Variants in SEMA4D observed in about 807,000 individuals in gnomAD.
SEMA4D encodes semaphorin 4D, also known as semaphorin-4D.
SEMA4D carries 22 observed loss-of-function variants against 74.8 expected under a neutral mutation model. The ratio of observed to expected loss-of-function variants is 0.29; its 90% confidence interval spans 0.21 to 0.42. The LOEUF is 0.42. SEMA4D is among the 10% of genes least tolerant of loss of function. The probability of loss-of-function intolerance (pLI) is 1.00; values close to 1 mark genes in which losing one functional copy is unlikely to be tolerated. For synonymous variants in SEMA4D, 445 were observed against 463.7 expected, an observed-to-expected ratio of 0.96 and a Z score of 0.52; for missense variants, 937 against 1,118.4, an observed-to-expected ratio of 0.84 and a Z score of 2.31.
intron 2 of SEMA4D, among the ~76,000 whole-genome samples, chr9:89,447,376 T>A (rs150105234): frequency 6.6e-6 from 1 of 151,606 alleles, no homozygotes; most frequent in Non-Finnish European, 1.5e-5. Context: ...GCTTCCTGTG[T>A]CCCCAAACCA....
At chr9:89,380,356 C>G (rs991972737) in intron 15 of SEMA4D, among the ~76,000 whole-genome samples, 1 of 151,436 alleles carries the variant, frequency 6.6e-6, no homozygotes, top group African/African-American at 2.4e-5. Context: ...TTTTTAGAGT[C>G]TGGGTCTCAC....
At position 89,403,482 on chromosome 9, in the gene SEMA4D, C is replaced by CA. The variant is rs544303429; in HGVS notation, c.107-467dup. Among the ~76,000 whole-genome samples, 126 of 152,330 alleles carry CA rather than the reference C, an allele frequency of 8.3e-4. 1 individual carries two copies. Among genetic ancestry groups the CA allele is most frequent in the African/African-American group, 2.9e-3 (120 of 41,574 alleles). On this transcript the variant is annotated intron_variant, in intron 3 of 15. Coordinates refer to ENST00000422704, the MANE Select transcript of SEMA4D (RefSeq NM_001371194.2). ...TATTCAGGAAAAGAATGTTTTACTT[C>CA]AAAATCTTCACAAAATTTCTTTTGG...
intron 2 of SEMA4D, chr9:89,450,648 C>G: frequency 4.4e-6 from 2 of 459,518 alleles, no homozygotes; most frequent in Non-Finnish European, 6.9e-6. Context: ...TTCTGCAAGT[C>G]GAAAAACCCA....
At chr9:89,446,537 G>A (rs1203630708) in intron 2 of SEMA4D, among the ~76,000 whole-genome samples, 4 of 152,196 alleles carry the variant, frequency 2.6e-5, no homozygotes, top group Admixed American at 6.5e-5. Flanking sequence ...ACACCATCCC[G>A]TCTCCATGAT....
intron 1 of SEMA4D, among the ~76,000 whole-genome samples, chr9:89,473,412 G>A (rs1442936719): frequency 6.6e-6 from 1 of 150,966 alleles, no homozygotes; most frequent in Non-Finnish European, 1.5e-5. Context: ...TCATCTAGAG[G>A]TCTAGATGAG....
chr9:89,449,695 T>C (rs1051376684), intron 2 of SEMA4D: 6 of 1,517,672 alleles, frequency 4.0e-6, no homozygotes, highest in Admixed American at 3.4e-5. Context: ...GTGTCAGTAC[T>C]GAGCCTGTGT....
chr9:89,494,634 G>A (rs1000007036), intron 1 of SEMA4D, among the ~76,000 whole-genome samples: 3 of 152,192 alleles, frequency 2.0e-5, no homozygotes, highest in Non-Finnish European at 4.4e-5. Context: ...TTTACAGGGA[G>A]GAATTGGAGA....
At chr9:89,421,347 C>T (rs973679495) in intron 2 of SEMA4D, among the ~76,000 whole-genome samples, 3 of 152,164 alleles carry the variant, frequency 2.0e-5, no homozygotes, top group African/African-American at 7.2e-5. Flanking sequence ...AATACCATTA[C>T]ACTCTGCTGA....
intron 5 of SEMA4D, 71 bp from the exon 6 acceptor site, chr9:89,396,906 G>A (rs1564617235): frequency 3.6e-6 from 5 of 1,382,136 alleles, no homozygotes; most frequent in Non-Finnish European, 5.0e-6. Flanking sequence ...AACTGCTCAC[G>A]CCGTTCATCT....
intron 16 of SEMA4D, chr9:89,368,021 G>A (rs1012363198): frequency 6.6e-6 from 1 of 152,272 alleles, no homozygotes; most frequent in Non-Finnish European, 1.5e-5. Context: ...TCTGGGCAGT[G>A]GCCTCGCCCT....
intron 16 of SEMA4D, among the ~76,000 whole-genome samples, chr9:89,371,858 G>GGT (rs540427351): frequency 9.6e-5 from 5 of 51,952 alleles, no homozygotes; most frequent in African/African-American, 4.7e-4. Context: ...TGGTGTCTGA[G>GGT]GTGTGTGTGG....
chr9:89,417,643 G>GGA (rs1845996069), intron 2 of SEMA4D, among the ~76,000 whole-genome samples: 1 of 152,234 alleles, frequency 6.6e-6, no homozygotes, highest in Non-Finnish European at 1.5e-5. Context: ...CCAAATCTGA[G>GGA]GAGGGTGACC....
intron 13 of SEMA4D, among the ~76,000 whole-genome samples, chr9:89,382,053 C>G (rs1459047613): frequency 1.3e-5 from 2 of 152,236 alleles, no homozygotes; most frequent in Non-Finnish European, 1.5e-5. Flanking sequence ...GCAGGTGAGA[C>G]TCTCCCACCT....
At chr9:89,420,578 G>GGTC (rs2134203493) in intron 2 of SEMA4D, among the ~76,000 whole-genome samples, 1 of 152,370 alleles carries the variant, frequency 6.6e-6, no homozygotes, top group African/African-American at 2.4e-5. Flanking sequence ...GCTGATGGCA[G>GGTC]AAGGACAGAG....
chr9:89,376,913 G>A (rs1047047132), downstream of SEMA4D: 7 of 1,550,758 alleles, frequency 4.5e-6, no homozygotes, highest in Non-Finnish European at 4.4e-6. Flanking sequence ...CGGCAGCAAG[G>A]AGACCCTCGA....
chr9:89,471,589 G>GGTGC (rs1158362817), intron 1 of SEMA4D, among the ~76,000 whole-genome samples: 7 of 151,204 alleles, frequency 4.6e-5, no homozygotes, highest in Admixed American at 3.9e-4. Flanking sequence ...TGCCGGCTCA[G>GGTGC]ATGCATGCCA....
rs547353199 is a variant in SEMA4D, at chr9:89,468,007, A to G, written c.-309-12054T>C. Among the ~76,000 whole-genome samples the G allele has an allele frequency of 5.9e-5, 9 of 152,154 alleles. No individual in the cohort carries two copies. In the East Asian group the frequency reaches 1.7e-3, roughly 30 times the overall value. ...ATACGTTACACAACCCTGCAGCAGA[A>G]AGAGAGTCAGCCTGTCCAAAGAGAA... On this transcript the variant is annotated intron_variant, in intron 1 of 15. Transcript: ENST00000422704.
chr9:89,440,679 T>G (rs1468861089), intron 2 of SEMA4D, among the ~76,000 whole-genome samples: 1 of 152,232 alleles, frequency 6.6e-6, no homozygotes, highest in Non-Finnish European at 1.5e-5. Context: ...ATTTCCTAAC[T>G]ACTTGCTACG....
In SEMA4D at chr9:89,387,614, G is replaced by T; in HGVS notation, c.1108-6C>A. ...CGTGCCTCGCTGTCGATGCACTGCA[G>T]GGAGAAAATCCCCGCTGTTAACGTG... On this transcript the variant is annotated splice_region_variant and splice_polypyrimidine_tract_variant and intron_variant, in intron 11 of 15. Coordinates refer to ENST00000422704, the MANE Select transcript of SEMA4D (RefSeq NM_001371194.2). 1 of 1,613,494 alleles carries T rather than the reference G, an allele frequency of 6.2e-7. No homozygotes were observed. Among genetic ancestry groups the T allele is most frequent in the South Asian group, 1.1e-5 (1 of 91,064 alleles).
Sources: allele counts gnomAD v4.1 joint callset (sites outside exome capture counted in the v4.1 genomes callset), GRCh38; gene constraint gnomAD v4.1.1; transcripts MANE v1.5; gene names NCBI Gene and HGNC (gene_info 2026-07-23, HGNC 2026-07-21).